HIVEP3: variants seen among roughly 807,000 people sequenced by gnomAD.
HIVEP3 encodes the protein HIVEP zinc finger 3.
In HIVEP3, 49 loss-of-function variants were observed where a neutral mutation model predicts 152.8. The observed-to-expected ratio is 0.32, with a 90% confidence interval of 0.26 to 0.41. The LOEUF (loss-of-function observed/expected upper bound fraction) is 0.41. HIVEP3 is among the 10% of genes least tolerant of loss of function. HIVEP3 has a pLI of 1.00. For missense variants in HIVEP3, 2,790 were observed against 3,103.3 expected (o/e 0.90, Z 2.40); for synonymous variants, 1,269 against 1,289.0 (o/e 0.98, Z 0.33).
chr1:41,824,808 GAGAGAGAGAGAA>G (rs1372677857), intron 1 of HIVEP3, among the ~76,000 whole-genome samples: 1,987 of 13,734 alleles, frequency 0.14, 76 homozygotes, highest in East Asian at 0.18. Flanking sequence ...GAGAGAGAGA[GAGAGAGAGAGAA>G]AGAGAGAGAG....
chr1:41,758,187 TG>T (rs1182597366), intron 1 of HIVEP3, among the ~76,000 whole-genome samples: 1 of 152,162 alleles, frequency 6.6e-6, no homozygotes, highest in African/African-American at 2.4e-5. Flanking sequence ...GGACAGGTTT[TG>T]GTGGGGTCTG....
intron 1 of HIVEP3, among the ~76,000 whole-genome samples, chr1:41,875,500 C>A (rs748514646): frequency 1.3e-5 from 2 of 152,266 alleles, no homozygotes; most frequent in Non-Finnish European, 2.9e-5. Context: ...CCATGTCATG[C>A]CCTGGCTTAA....
intron 1 of HIVEP3, among the ~76,000 whole-genome samples, chr1:41,908,406 A>C (rs569007926): frequency 6.6e-6 from 1 of 152,304 alleles, no homozygotes; most frequent in East Asian, 1.9e-4. Flanking sequence ...AAGCACCCCT[A>C]CCCAACCCAC....
chr1:41,803,659 C>CCA (rs1650432402), intron 1 of HIVEP3, among the ~76,000 whole-genome samples: 1 of 152,252 alleles, frequency 6.6e-6, no homozygotes, highest in African/African-American at 2.4e-5. Context: ...ATTCCCTCCA[C>CCA]GTGAAGCTGG....
At chr1:41,645,532 C>T (rs1645446018) in intron 2 of HIVEP3, among the ~76,000 whole-genome samples, 1 of 152,222 alleles carries the variant, frequency 6.6e-6, no homozygotes, top group Non-Finnish European at 1.5e-5. Flanking sequence ...ACAGCCTGCA[C>T]AACCATTCAC....
rs561800872 is a variant in HIVEP3 at position 41,945,341 on chromosome 1, GT to G, written n.120-26818del. On this transcript the variant is annotated intron_variant and non_coding_transcript_variant, in intron 1 of 3. Coordinates refer to the HIVEP3 transcript ENST00000489103. ...GAGGAGGAGAATTTGGCCCAGCAGA[GT>G]GCATGTACCTTTTTCTCTCTCAGAC... 2.0e-5 allele frequency among the ~76,000 whole-genome samples: 3 copies of G among 152,314 alleles called. No individual in the cohort carries two copies. The South Asian group carries it at 6.2e-4, about 32-fold the overall frequency.
At chr1:41,972,528 T>C (rs1445117652) in intron 1 of HIVEP3, among the ~76,000 whole-genome samples, 1 of 152,230 alleles carries the variant, frequency 6.6e-6, no homozygotes, top group African/African-American at 2.4e-5. Context: ...CTGCCTTCCA[T>C]GCAATTGATT....
intron 2 of HIVEP3, among the ~76,000 whole-genome samples, chr1:41,655,917 C>G (rs1645622439): frequency 6.6e-6 from 1 of 152,172 alleles, no homozygotes; most frequent in Non-Finnish European, 1.5e-5. Flanking sequence ...TGCTTCCACC[C>G]TGGTAACTTG....
intron 5 of HIVEP3, among the ~76,000 whole-genome samples, chr1:41,562,027 C>T (rs569791654): frequency 3.3e-5 from 5 of 152,222 alleles, no homozygotes; most frequent in Admixed American, 2.0e-4. Context: ...AAGGAAAGAA[C>T]TATGAAGGAG....
chr1:41,768,360 C>T (rs902392065), intron 1 of HIVEP3, among the ~76,000 whole-genome samples: 1 of 152,216 alleles, frequency 6.6e-6, no homozygotes, highest in Non-Finnish European at 1.5e-5. Context: ...GGAGAAAGAC[C>T]TGACCCCGTG....
intron 1 of HIVEP3, among the ~76,000 whole-genome samples, chr1:41,841,707 C>T (rs1320814690): frequency 2.0e-5 from 3 of 152,156 alleles, no homozygotes; most frequent in Non-Finnish European, 2.9e-5. Flanking sequence ...TGTCCTCACG[C>T]GTAAGTGATG....
intron 1 of HIVEP3, among the ~76,000 whole-genome samples, chr1:41,967,986 A>T (rs1325348550): frequency 6.6e-6 from 1 of 152,190 alleles, no homozygotes; most frequent in Non-Finnish European, 1.5e-5. Flanking sequence ...CAACCTCCCA[A>T]GACTGAACCA....
intron 2 of HIVEP3, among the ~76,000 whole-genome samples, chr1:41,700,712 T>A (rs1460990183): frequency 6.6e-6 from 1 of 152,268 alleles, no homozygotes; most frequent in African/African-American, 2.4e-5. Flanking sequence ...CATCACCATA[T>A]GCTGCCATTT....
intron 1 of HIVEP3, among the ~76,000 whole-genome samples, chr1:41,761,433 TC>T (rs1418507148): frequency 6.6e-6 from 1 of 152,146 alleles, no homozygotes; most frequent in Non-Finnish European, 1.5e-5. Context: ...AGCATGTGTC[TC>T]TGTGTGTATA....
In HIVEP3 at chr1:41,771,825, C is replaced by T. The variant is rs369285869; in HGVS notation, c.-800-70830G>A. On this transcript the variant is annotated intron_variant, in intron 1 of 8. Coordinates refer to ENST00000372583, the MANE Select transcript of HIVEP3 (RefSeq NM_024503.5). Reference sequence around the variant, plus strand: ...AACTACAAGCACATGCCACCATGCCCGGCTAATTTTTTTGTATTTTTAGTA... The same window carrying T: ...AACTACAAGCACATGCCACCATGCCTGGCTAATTTTTTTGTATTTTTAGTA... Among the ~76,000 whole-genome samples, 7 of 152,252 alleles carry T rather than the reference C, an allele frequency of 4.6e-5. No homozygotes were observed. The East Asian group carries it at 7.7e-4, about 17-fold the overall frequency.
chr1:41,656,361 G>C (rs1645629248), intron 2 of HIVEP3, among the ~76,000 whole-genome samples: 1 of 152,236 alleles, frequency 6.6e-6, no homozygotes, highest in African/African-American at 2.4e-5. Flanking sequence ...GTTCAGACAG[G>C]GGAGGGAACT....
At chr1:41,537,170 C>G (rs72669034) in intron 5 of HIVEP3, among the ~76,000 whole-genome samples, 2,851 of 152,286 alleles carry the variant, frequency 0.019, 48 homozygotes, top group Non-Finnish European at 0.027. Context: ...AAGTTACCTT[C>G]TTAATCTGAG....
chr1:41,595,073 T>C (rs1293404940), intron 3 of HIVEP3, among the ~76,000 whole-genome samples: 1 of 152,244 alleles, frequency 6.6e-6, no homozygotes, highest in Non-Finnish European at 1.5e-5. Context: ...ATAGAATTTG[T>C]GGGAAAGGGA....
intron 1 of HIVEP3, among the ~76,000 whole-genome samples, chr1:41,825,665 G>A (rs1202874709): frequency 6.6e-6 from 1 of 152,020 alleles, no homozygotes; most frequent in African/African-American, 2.4e-5. Context: ...GAGTGCGGTA[G>A]TGTGATCACA....
Sources: gnomAD v4.1 joint callset for allele counts (sites outside exome capture counted in the v4.1 genomes callset) on GRCh38, gnomAD v4.1.1 for gene constraint, MANE v1.5 for transcripts, NCBI Gene and HGNC (gene_info 2026-07-23, HGNC 2026-07-21) for gene names.